MICAL2: variants seen among roughly 807,000 people sequenced by gnomAD.
The protein encoded by MICAL2 is microtubule associated monooxygenase, calponin and LIM domain containing 2.
A neutral mutation model predicts 127.3 loss-of-function variants in MICAL2; 77 were observed. The observed-to-expected ratio is 0.60, with a 90% CI of 0.50 to 0.73. The LOEUF (loss-of-function observed/expected upper bound fraction) is 0.73. MICAL2 is among the 30% of genes least tolerant of loss of function. The pLI is 0.00. For missense variants in MICAL2, 1,351 were observed against 1,434.4 expected, an observed-to-expected ratio of 0.94 and a Z score of 0.94; for synonymous variants, 570 against 551.1, an observed-to-expected ratio of 1.03 and a Z score of -0.48.
downstream of MICAL2, among the ~76,000 whole-genome samples, chr11:12,288,078 A>G (rs1403814426): frequency 6.6e-6 from 1 of 152,144 alleles, no homozygotes; most frequent in African/African-American, 2.4e-5. Flanking sequence ...CCCCAGACGC[A>G]CCACCGTCAC....
chr11:12,203,178 T>C (rs1269168512), intron 3 of MICAL2, among the ~76,000 whole-genome samples: 1 of 152,198 alleles, frequency 6.6e-6, no homozygotes, highest in East Asian at 1.9e-4. Flanking sequence ...GCCATTTAGG[T>C]TGCTTTTACT....
intron 3 of MICAL2, among the ~76,000 whole-genome samples, chr11:12,193,730 G>A (rs1488116372): frequency 1.3e-5 from 2 of 152,198 alleles, no homozygotes; most frequent in East Asian, 1.9e-4. Context: ...TTCTGCTTTG[G>A]AGCTTGACCA....
At chr11:12,260,971 C>T in intron 26 of MICAL2, 2 of 985,474 alleles carry the variant, frequency 2.0e-6, no homozygotes, top group Non-Finnish European at 1.2e-6. Context: ...GGAGCTGATG[C>T]AGTGCCAAAG....
chr11:12,323,896 G>A (rs1341107349), intron 30 of MICAL2: 7 of 1,445,532 alleles, frequency 4.8e-6, no homozygotes, highest in Non-Finnish European at 6.5e-6. Context: ...TAGTTGGAGA[G>A]GGTAGAAGCC....
upstream of MICAL2, chr11:12,274,374 A>G (rs1444043133): frequency 6.6e-6 from 1 of 152,230 alleles, no homozygotes; most frequent in Non-Finnish European, 1.5e-5. Flanking sequence ...ACAGACAAAA[A>G]TCACTGCTTA....
rs755181075 is a variant in MICAL2, at chr11:12,242,327, G to A, written c.2451G>A (p.Leu817=). 3 of 1,614,128 alleles carry A rather than the reference G, an allele frequency of 1.9e-6. No individual in the cohort carries two copies. Among genetic ancestry groups the A allele is most frequent in the Non-Finnish European group, 2.5e-6 (3 of 1,179,988 alleles). Residue 817 remains leucine (L), a synonymous_variant, in exon 19 of 28, where the codon CTG becomes CTA. Transcript: ENST00000683283. ...CCAGAGCCAAGTCTGACCTACAGCT[G>A]GGTGGGACAGAAAATTTCGCTACCC... ...WRARAKSDLQ[L]GGTENFATLP...
intron 2 of MICAL2, 166 bp from the exon 3 acceptor site, chr11:12,161,913 G>A (rs886841253): frequency 2.0e-5 from 11 of 560,678 alleles, no homozygotes; most frequent in Non-Finnish European, 3.5e-5. Flanking sequence ...AGGCCAAAAG[G>A]CACAATTCTG....
At chr11:12,195,637 A>G (rs535157505) in intron 3 of MICAL2, among the ~76,000 whole-genome samples, 1 of 152,088 alleles carries the variant, frequency 6.6e-6, no homozygotes, top group South Asian at 2.1e-4. Flanking sequence ...TTAAAATGCT[A>G]TTTGGAAAAC....
chr11:12,234,064 C>A (rs991100803), intron 15 of MICAL2, among the ~76,000 whole-genome samples: 2 of 152,140 alleles, frequency 1.3e-5, no homozygotes, highest in African/African-American at 4.8e-5. Flanking sequence ...GTCAGAGGGG[C>A]TGAGGTTGTC....
chr11:12,210,209 C>A (rs963694733), intron 6 of MICAL2, among the ~76,000 whole-genome samples: 3 of 152,118 alleles, frequency 2.0e-5, no homozygotes, highest in African/African-American at 7.2e-5. Flanking sequence ...GGGGTAAGAT[C>A]CTGTCAGTTT....
chr11:12,229,230 A>T (rs750664994), intron 15 of MICAL2, among the ~76,000 whole-genome samples: 5 of 152,140 alleles, frequency 3.3e-5, no homozygotes, highest in Non-Finnish European at 7.4e-5. Flanking sequence ...AGGATACTTC[A>T]TGCTTCTGTG....
At chr11:12,310,375 G>C (rs1246398289) in intron 29 of MICAL2, among the ~76,000 whole-genome samples, 2 of 152,088 alleles carry the variant, frequency 1.3e-5, no homozygotes, top group Non-Finnish European at 2.9e-5. Flanking sequence ...ATGGAATCTA[G>C]TTTCATTCTT....
At chr11:12,360,721 G>A (rs944883255), downstream of MICAL2, among the ~76,000 whole-genome samples, 10 of 152,174 alleles carry the variant, frequency 6.6e-5, no homozygotes, top group Non-Finnish European at 1.2e-4. Context: ...TTGGCCCCTA[G>A]TATTCTGTTA....
At position 12,160,374 on chromosome 11, in the gene MICAL2, C is replaced by T. The variant is rs78502708; in HGVS notation, c.-77-1705C>T. On this transcript the variant is annotated intron_variant, in intron 2 of 27. Coordinates refer to ENST00000683283, the MANE Select transcript of MICAL2 (RefSeq NM_001282663.2). ...CAGTCCACTGCTGCCCTATCATCTT[C>T]CCAAAGACTTGTCTCTTCCTGCTCC... 4.3e-3 allele frequency among the ~76,000 whole-genome samples: 654 copies of T among 152,296 alleles called. 2 individuals carry two copies. Among genetic ancestry groups the T allele is most frequent in the African/African-American group, 0.015 (630 of 41,556 alleles).
intron 2 of MICAL2, among the ~76,000 whole-genome samples, chr11:12,154,329 G>A (rs1463152188): frequency 2.0e-5 from 3 of 152,120 alleles, no homozygotes; most frequent in East Asian, 1.9e-4. Flanking sequence ...ACCAAGACCT[G>A]AGCGCTTGTT....
chr11:12,256,914 T>G lies in MICAL2; in HGVS notation c.3085T>G (p.Cys1029Gly), dbSNP rs1425150371. 6.2e-7 allele frequency: 1 copy of G among 1,614,200 alleles called. No homozygotes were observed. The highest frequency in any genetic ancestry group is 8.5e-7 in the Non-Finnish European group (1 of 1,180,012). The change falls in exon 24 of 28, where the codon TGC becomes GGC. Residue 1029 changes from cysteine to glycine, a missense_variant. By Grantham distance (159) the Cys-to-Gly change is radical. Transcript: ENST00000683283. ...CTTCTTCCACCGGGAGTGTTTCCGC[T>G]GCAGCATCTGTGCCACCACCTTGCG... ...GHFFHRECFR[C>G]SICATTLRLA... is the part of the protein sequence containing the mutation.
chr11:12,285,824 C>A (rs1863820338), intron 2 of MICAL2, among the ~76,000 whole-genome samples: 1 of 152,184 alleles, frequency 6.6e-6, no homozygotes, highest in African/African-American at 2.4e-5. Flanking sequence ...GCTAGCTGGG[C>A]CTTGGATTTA....
At chr11:12,189,599 C>A (rs922899024) in intron 3 of MICAL2, among the ~76,000 whole-genome samples, 1 of 152,226 alleles carries the variant, frequency 6.6e-6, no homozygotes, top group Non-Finnish European at 1.5e-5. Flanking sequence ...TCACCACCCC[C>A]ACTACCTCCA....
At chr11:12,210,948 C>T (rs1200219896) in intron 6 of MICAL2, among the ~76,000 whole-genome samples, 1 of 152,240 alleles carries the variant, frequency 6.6e-6, no homozygotes, top group Non-Finnish European at 1.5e-5. Context: ...CCAAATATGT[C>T]TCCACACATC....
Sources: gnomAD v4.1 joint callset for allele counts (sites outside exome capture counted in the v4.1 genomes callset) on GRCh38, gnomAD v4.1.1 for gene constraint, MANE v1.5 for transcripts, NCBI Gene and HGNC (gene_info 2026-07-23, HGNC 2026-07-21) for gene names.